SCD5: variants seen among roughly 807,000 people sequenced by gnomAD.
SCD5 encodes acyl-CoA-desaturase 4.
In SCD5, 20 loss-of-function variants were observed where a neutral mutation model predicts 30.4. The observed-to-expected ratio is 0.66, with a 90% CI of 0.46 to 0.96. The LOEUF is 0.96. Ranked by LOEUF, SCD5 falls within the 40% of genes least tolerant of loss-of-function variation. The pLI is 0.00. For missense variants in SCD5, 381 were observed against 443.3 expected, an observed-to-expected ratio of 0.86 and a Z score of 1.26; for synonymous variants, 173 against 176.4, an observed-to-expected ratio of 0.98 and a Z score of 0.16.
chr4:82,689,312 C>T (rs7660123), intron 2 of SCD5, among the ~76,000 whole-genome samples: 20,122 of 152,076 alleles, frequency 0.13, 1,580 homozygotes, highest in East Asian at 0.4. Flanking sequence ...GTAATCCCAG[C>T]TACTCAGGAG....
At chr4:82,767,658 A>C (rs1721522659) in intron 1 of SCD5, among the ~76,000 whole-genome samples, 1 of 152,184 alleles carries the variant, frequency 6.6e-6, no homozygotes, top group African/African-American at 2.4e-5. Context: ...ATTTTGCTAG[A>C]AAGTGTTTCT....
At chr4:82,637,512 G>C (rs1727458227) in intron 3 of SCD5, among the ~76,000 whole-genome samples, 1 of 152,232 alleles carries the variant, frequency 6.6e-6, no homozygotes, top group Admixed American at 6.5e-5. Flanking sequence ...TGATGCATGA[G>C]CTAAGTGCTG....
intron 3 of SCD5, among the ~76,000 whole-genome samples, chr4:82,641,445 G>A (rs1167227729): frequency 1.3e-5 from 2 of 152,026 alleles, no homozygotes; most frequent in African/African-American, 2.4e-5. Flanking sequence ...AGCAGAGAAG[G>A]AGAATATGAT....
At chr4:82,741,853 C>T (rs111348309) in intron 1 of SCD5, among the ~76,000 whole-genome samples, 11,834 of 45,302 alleles carry the variant, frequency 0.26, 724 homozygotes, top group Non-Finnish European at 0.39. Context: ...TCAGAGTGGG[C>T]GGGGGGGGGG....
At chr4:82,779,653 T>G (rs919263863) in intron 1 of SCD5, among the ~76,000 whole-genome samples, 3 of 152,174 alleles carry the variant, frequency 2.0e-5, no homozygotes, top group African/African-American at 7.2e-5. Flanking sequence ...AACAACCTCA[T>G]GCAAACCCTG....
chr4:82,737,759 C>T lies in SCD5; in HGVS notation c.233-32346G>A, dbSNP rs1458257191. Among the ~76,000 whole-genome samples the T allele has an allele frequency of 2.0e-5, 3 of 152,082 alleles. 1 individual carries two copies. Among genetic ancestry groups the T allele is most frequent in the South Asian group, 4.1e-4 (2 of 4,830 alleles). On this transcript the variant is annotated intron_variant, in intron 1 of 4. Transcript: ENST00000319540. Reference sequence around the variant, plus strand: ...TTTCTATTAAGGCAGAGTTTCATGTCGTGATCTGAAAGCATTTTACAACCA... The same window carrying T: ...TTTCTATTAAGGCAGAGTTTCATGTTGTGATCTGAAAGCATTTTACAACCA...
intron 1 of SCD5, among the ~76,000 whole-genome samples, chr4:82,768,769 A>T (rs1019225282): frequency 2.0e-5 from 3 of 152,086 alleles, no homozygotes; most frequent in Non-Finnish European, 2.9e-5. Context: ...CTTTGATAGG[A>T]TTAATTTTTT....
chr4:82,760,636 C>T (rs1355521834), intron 1 of SCD5, among the ~76,000 whole-genome samples: 1 of 152,054 alleles, frequency 6.6e-6, no homozygotes, highest in Non-Finnish European at 1.5e-5. Context: ...TTTTCAAGAC[C>T]CTACCACTCT....
chr4:82,718,531 G>A (rs1319318572), intron 1 of SCD5, among the ~76,000 whole-genome samples: 1 of 151,640 alleles, frequency 6.6e-6, no homozygotes, highest in Non-Finnish European at 1.5e-5. Flanking sequence ...AAGAATATTT[G>A]GCAGCGAGGT....
At chr4:82,729,846 C>A (rs564076539) in intron 1 of SCD5, among the ~76,000 whole-genome samples, 3 of 152,132 alleles carry the variant, frequency 2.0e-5, no homozygotes, top group African/African-American at 7.2e-5. Context: ...CTTACCAGCC[C>A]GGAGAGGGCA....
At chr4:82,702,382 T>G (rs1376965777) in intron 2 of SCD5, among the ~76,000 whole-genome samples, 1 of 151,984 alleles carries the variant, frequency 6.6e-6, no homozygotes, top group Non-Finnish European at 1.5e-5. Context: ...TGATCTCAGG[T>G]GATCCACTCG....
At chr4:82,777,452 T>A (rs910489953) in intron 1 of SCD5, among the ~76,000 whole-genome samples, 3 of 152,206 alleles carry the variant, frequency 2.0e-5, no homozygotes, top group Non-Finnish European at 4.4e-5. Flanking sequence ...GGGAAACAGG[T>A]GCTGAAAACA....
intron 1 of SCD5, among the ~76,000 whole-genome samples, chr4:82,721,482 T>C (rs1405646269): frequency 6.6e-6 from 1 of 152,178 alleles, no homozygotes; most frequent in African/African-American, 2.4e-5. Flanking sequence ...TGCCCCAGAA[T>C]GTGACTTGAC....
intron 3 of SCD5, among the ~76,000 whole-genome samples, chr4:82,667,381 T>A (rs1476198881): frequency 1.3e-5 from 2 of 152,108 alleles, no homozygotes; most frequent in African/African-American, 4.8e-5. Context: ...ACTTGGAAAA[T>A]TTTTAAAACT....
chr4:82,719,204 T>C (rs528017487), intron 1 of SCD5, among the ~76,000 whole-genome samples: 1 of 151,950 alleles, frequency 6.6e-6, no homozygotes, highest in Non-Finnish European at 1.5e-5. Context: ...CTTTCTTGCA[T>C]GGCAACTTTT....
chr4:82,720,441 TA>T lies in SCD5; in HGVS notation c.233-15029del, dbSNP rs1553917690. Among the ~76,000 whole-genome samples, 271 of 77,872 alleles carry T rather than the reference TA, an allele frequency of 3.5e-3. 1 individual carries two copies. The highest frequency in any genetic ancestry group is 0.014 in the East Asian group (35 of 2,482). The allele number at this position is 77,872 out of a possible 152,430, so 51.1% of individuals were successfully genotyped here. On this transcript the variant is annotated intron_variant, in intron 1 of 4. Coordinates refer to ENST00000319540, the MANE Select transcript of SCD5 (RefSeq NM_001037582.3). Reference sequence around the variant, plus strand: ...GATGCTGTCTCAAAAAAGGCAAAAATAAAAAAAAAAAAAAAAAAAAAAGACA... The same window carrying T: ...GATGCTGTCTCAAAAAAGGCAAAAATAAAAAAAAAAAAAAAAAAAAAGACA...
At chr4:82,663,335 G>C (rs1728060539) in intron 3 of SCD5, among the ~76,000 whole-genome samples, 1 of 152,176 alleles carries the variant, frequency 6.6e-6, no homozygotes, top group African/African-American at 2.4e-5. Context: ...TCAAGCCTCG[G>C]ACACAAAAGA....
intron 1 of SCD5, among the ~76,000 whole-genome samples, chr4:82,706,127 C>A (rs893855954): frequency 6.6e-6 from 1 of 152,198 alleles, no homozygotes; most frequent in Non-Finnish European, 1.5e-5. Context: ...TGTAATTTAA[C>A]CTTGGTCATG....
chr4:82,653,136 A>C (rs1486699746), intron 3 of SCD5, among the ~76,000 whole-genome samples: 1 of 152,192 alleles, frequency 6.6e-6, no homozygotes, highest in African/African-American at 2.4e-5. Flanking sequence ...CCTCGGCAAC[A>C]AAGTGAAACC....
Sources: gnomAD v4.1 joint callset for allele counts (sites outside exome capture counted in the v4.1 genomes callset) on GRCh38, gnomAD v4.1.1 for gene constraint, MANE v1.5 for transcripts, NCBI Gene and HGNC (gene_info 2026-07-23, HGNC 2026-07-21) for gene names.